ZNF536: variants seen among roughly 807,000 people sequenced by gnomAD.
ZNF536 encodes zinc finger protein 536.
A neutral mutation model predicts 84.5 loss-of-function variants in ZNF536; 13 were observed. That is an observed-to-expected ratio of 0.15 (90% CI 0.10 to 0.24). The LOEUF is 0.24. ZNF536 is among the 10% of genes least tolerant of loss of function. ZNF536 has a pLI of 1.00. For missense variants in ZNF536, 1,536 were observed against 1,747.5 expected, an observed-to-expected ratio of 0.88 and a Z score of 2.16; for synonymous variants, 811 against 742.5, an observed-to-expected ratio of 1.09 and a Z score of -1.50.
intron 1 of ZNF536, among the ~76,000 whole-genome samples, chr19:30,232,668 C>G (rs2023157101): frequency 6.6e-6 from 1 of 152,220 alleles, no homozygotes; most frequent in African/African-American, 2.4e-5. Flanking sequence ...TGGCTTTTCA[C>G]ATGCTCTGAG....
At chr19:30,683,700 A>G (rs912652314) in intron 1 of ZNF536, among the ~76,000 whole-genome samples, 3 of 152,238 alleles carry the variant, frequency 2.0e-5, no homozygotes, top group Non-Finnish European at 4.4e-5. Flanking sequence ...TTTCTAATGC[A>G]GGAACCAAAG....
At chr19:30,566,647 T>A (rs1043422692) in intron 1 of ZNF536, among the ~76,000 whole-genome samples, 9 of 146,084 alleles carry the variant, frequency 6.2e-5, no homozygotes, top group African/African-American at 2.3e-4. Flanking sequence ...AGTGGGGGGA[T>A]CCCTGCCTGT....
At chr19:30,375,864 T>TAGGCGCGTGTGTGTGC in intron 1 of ZNF536, among the ~76,000 whole-genome samples, 1 of 152,250 alleles carries the variant, frequency 6.6e-6, no homozygotes, top group Non-Finnish European at 1.5e-5. Context: ...TGTGTGTGTG[T>TAGGCGCGTGTGTGTGC]AGGCGCGTGT....
At chr19:30,255,767 A>T (rs2024883281) in intron 1 of ZNF536, among the ~76,000 whole-genome samples, 1 of 152,218 alleles carries the variant, frequency 6.6e-6, no homozygotes, top group African/African-American at 2.4e-5. Flanking sequence ...TACAAATTTC[A>T]TCAGTGATTG....
At chr19:30,335,325 T>C (rs1002722209) in intron 2 of ZNF536, among the ~76,000 whole-genome samples, 8 of 152,302 alleles carry the variant, frequency 5.3e-5, no homozygotes. Flanking sequence ...ACCGTGCATA[T>C]GAGAGGCTCG....
intron 1 of ZNF536, among the ~76,000 whole-genome samples, chr19:30,678,022 G>A (rs942093512): frequency 1.6e-4 from 24 of 152,202 alleles, no homozygotes; most frequent in African/African-American, 5.8e-4. Context: ...GGTTGAGAAT[G>A]TCAAAAGCTT....
At chr19:30,627,449 T>G (rs1224468999) in intron 1 of ZNF536, among the ~76,000 whole-genome samples, 1 of 113,504 alleles carries the variant, frequency 8.8e-6, no homozygotes, top group East Asian at 2.7e-4. Context: ...CCAGCCTGGG[T>G]GACAGACCAA....
chr19:30,588,008 T>TGGGA (rs2047154444), intron 1 of ZNF536, among the ~76,000 whole-genome samples: 1 of 152,252 alleles, frequency 6.6e-6, no homozygotes, highest in African/African-American at 2.4e-5. Flanking sequence ...CTTCCTCTTG[T>TGGGA]GGGAGTCCCT....
rs560474561 is a variant in ZNF536 at position 30,335,047 on chromosome 19, T to G, written c.-119-17321T>G. ...ACACGGACTGTCAGTGGACTGAGGG[T>G]TGGGGGCCCCTGCTTTAAAGATCTC... On this transcript the variant is annotated intron_variant, in intron 2 of 5. Transcript: ENST00000585628. Among the ~76,000 whole-genome samples, 554 of 152,074 alleles carry G rather than the reference T, an allele frequency of 3.6e-3. 5 individuals carry two copies. Among genetic ancestry groups the G allele is most frequent in the Admixed American group, 7.6e-3 (116 of 15,272 alleles).
chr19:30,376,327 C>T (rs11881775), intron 1 of ZNF536, among the ~76,000 whole-genome samples: 9,577 of 152,166 alleles, frequency 0.063, 1,031 homozygotes, highest in African/African-American at 0.22. Context: ...TTGCCTTTGT[C>T]GGCTGGCCCT....
rs149063155 is a variant in ZNF536 at position 30,536,805 on chromosome 19, C to T, written c.2323+1806C>T. ...AGACAAAGTGGAAGATCCTCTTCCC[C>T]GGGAGTTCAGGGAGGGGGCCTTGCA... is the stretch of plus-strand genomic sequence containing the variant. On this transcript the variant is annotated intron_variant, in intron 3 of 4. Transcript: ENST00000355537. Among the ~76,000 whole-genome samples, 573 of 152,228 alleles carry T rather than the reference C, an allele frequency of 3.8e-3. 3 individuals are homozygous for T. Among genetic ancestry groups the T allele is most frequent in the Middle Eastern group, 0.027 (8 of 294 alleles).
chr19:30,492,367 C>T (rs945361458), intron 2 of ZNF536, among the ~76,000 whole-genome samples: 11 of 152,080 alleles, frequency 7.2e-5, no homozygotes, highest in African/African-American at 2.4e-4. Flanking sequence ...GCATGTATCT[C>T]GTACAGTCAG....
At chr19:30,402,142 T>C (rs2050068791) in intron 1 of ZNF536, among the ~76,000 whole-genome samples, 1 of 152,200 alleles carries the variant, frequency 6.6e-6, no homozygotes, top group Non-Finnish European at 1.5e-5. Context: ...TTTTCATGTA[T>C]GCATACTAGC....
intron 1 of ZNF536, among the ~76,000 whole-genome samples, chr19:30,630,157 C>G (rs781133864): frequency 3.3e-5 from 5 of 152,320 alleles, no homozygotes; most frequent in South Asian, 4.1e-4. Flanking sequence ...TGGTAACTTG[C>G]TGGGTTGGGC....
In ZNF536 at chr19:30,297,903, T is replaced by TCC. The variant is rs11291289; in HGVS notation, c.-120+13771_-120+13772dup. ...TTTTTTTTTTTTTCTCAAGACGGAG[T>TCC]CCCCCCCCCCTCTGTCGCCCAGGCT... is the stretch of plus-strand genomic sequence containing the variant. On this transcript the variant is annotated intron_variant, in intron 2 of 5. Coordinates refer to the ZNF536 transcript ENST00000585628. Among the ~76,000 whole-genome samples, 418 of 126,272 alleles carry TCC rather than the reference T, an allele frequency of 3.3e-3. 12 individuals are homozygous for TCC. The highest frequency in any genetic ancestry group is 0.012 in the African/African-American group (404 of 32,616). The allele number at this position is 126,272 out of a possible 152,430, so 82.8% of individuals were successfully genotyped here. A position where few individuals can be genotyped will look rare whatever the true frequency, so the allele number is the denominator to read the frequency against.
chr19:30,387,040 C>T (rs916482345), intron 1 of ZNF536, among the ~76,000 whole-genome samples: 11 of 152,184 alleles, frequency 7.2e-5, no homozygotes, highest in East Asian at 1.9e-4. Context: ...AATGTGCAGA[C>T]GAGAGTCGGT....
chr19:30,452,895 G>T lies in ZNF536; in HGVS notation c.2170+7163G>T, dbSNP rs750526670. On this transcript the variant is annotated intron_variant, in intron 2 of 4. Transcript: ENST00000355537. ...GCATCTCTCCACCCTTGTTGATGGT[G>T]CTGGCATGTGGAGGAAGGAGGCGGG... is the stretch of plus-strand genomic sequence containing the variant. Among the ~76,000 whole-genome samples the T allele has an allele frequency of 2.0e-5, 3 of 151,702 alleles. No homozygotes were observed. The South Asian group carries it at 6.3e-4, about 32-fold the overall frequency.
intron 1 of ZNF536, among the ~76,000 whole-genome samples, chr19:30,690,484 A>C (rs2051364741): frequency 6.6e-6 from 1 of 152,198 alleles, no homozygotes; most frequent in African/African-American, 2.4e-5. Context: ...GTCTATTTTG[A>C]GACTCAGGAA....
At chr19:30,633,730 A>G (rs1162693956) in intron 1 of ZNF536, among the ~76,000 whole-genome samples, 1 of 152,054 alleles carries the variant, frequency 6.6e-6, no homozygotes, top group Admixed American at 6.5e-5. Context: ...TGATTTTTAA[A>G]TTTTTTAAAT....
Sources: allele counts gnomAD v4.1 joint callset (sites outside exome capture counted in the v4.1 genomes callset), GRCh38; gene constraint gnomAD v4.1.1; transcripts MANE v1.5; gene names NCBI Gene and HGNC (gene_info 2026-07-23, HGNC 2026-07-21).